The following ANTXR2 variants were observed in gnomAD, a reference collection of about 807,000 sequenced individuals.
ANTXR2 encodes the protein ANTXR cell adhesion molecule 2.
ANTXR2 carries 44 observed loss-of-function variants against 73.7 expected under a neutral mutation model. The ratio of observed to expected loss-of-function variants is 0.60; its 90% CI spans 0.47 to 0.77. The LOEUF is 0.77. Ranked by LOEUF, ANTXR2 falls within the 30% of genes least tolerant of loss-of-function variation. The pLI is 0.00. For missense variants in ANTXR2, 604 were observed against 592.5 expected (o/e 1.02, Z -0.20); for synonymous variants, 217 against 205.9 (o/e 1.05, Z -0.46).
At chr4:80,056,936 C>CA (rs990387254) in intron 3 of ANTXR2, among the ~76,000 whole-genome samples, 2 of 151,454 alleles carry the variant, frequency 1.3e-5, no homozygotes, top group Non-Finnish European at 3.0e-5. Context: ...AATAATGTGG[C>CA]AAAATTATCC....
chr4:80,037,455 T>C (rs1485326999), intron 7 of ANTXR2, among the ~76,000 whole-genome samples: 2 of 152,168 alleles, frequency 1.3e-5, no homozygotes, highest in African/African-American at 2.4e-5. Context: ...ACTTTTCACA[T>C]AGTGATTGAG....
chr4:79,921,452 A>G (rs1199294767), intron 16 of ANTXR2, among the ~76,000 whole-genome samples: 2 of 152,050 alleles, frequency 1.3e-5, no homozygotes, highest in African/African-American at 4.8e-5. Flanking sequence ...ATAGATTTTC[A>G]TTAGCTGTCT....
intron 7 of ANTXR2, among the ~76,000 whole-genome samples, chr4:80,049,919 T>A (rs1224865099): frequency 6.6e-6 from 1 of 151,440 alleles, no homozygotes; most frequent in African/African-American, 2.4e-5. Flanking sequence ...TCAACAAGAG[T>A]CAAAGATTTT....
chr4:79,956,394 C>T (rs1408875804), intron 16 of ANTXR2, among the ~76,000 whole-genome samples: 1 of 152,066 alleles, frequency 6.6e-6, no homozygotes, highest in Non-Finnish European at 1.5e-5. Flanking sequence ...GTAGAGGAAT[C>T]AAGAGCTGCA....
At chr4:79,909,193 C>A (rs1416069771) in intron 16 of ANTXR2, among the ~76,000 whole-genome samples, 1 of 152,084 alleles carries the variant, frequency 6.6e-6, no homozygotes, top group Non-Finnish European at 1.5e-5. Context: ...TTAATGACAT[C>A]TTTTTCTTGT....
chr4:80,049,058 GGGTTATTTAT>G (rs1733650952), intron 7 of ANTXR2, among the ~76,000 whole-genome samples: 2 of 151,524 alleles, frequency 1.3e-5, no homozygotes, highest in Non-Finnish European at 3.0e-5. Context: ...TTTTGGACAA[GGGTTATTTAT>G]AAAACATGCT....
At chr4:79,992,766 C>T (rs539940591) in intron 12 of ANTXR2, among the ~76,000 whole-genome samples, 1 of 152,104 alleles carries the variant, frequency 6.6e-6, no homozygotes, top group South Asian at 2.1e-4. Flanking sequence ...ATCAAAGCTA[C>T]CCTAACCATC....
Position 80,032,253 on chromosome 4 carries a change from A to C in ANTXR2, c.797-561T>G, listed in dbSNP as rs556180242. Reference sequence around the variant, plus strand: ...GATCATTCTAGAATCTAAAAGAGGAAAATACCAATTTCACTTATTTGAGGA... The same window carrying C: ...GATCATTCTAGAATCTAAAAGAGGACAATACCAATTTCACTTATTTGAGGA... On this transcript the variant is annotated intron_variant, in intron 9 of 16. Transcript: ENST00000403729. Among the ~76,000 whole-genome samples, 9 of 152,000 alleles carry C rather than the reference A, an allele frequency of 5.9e-5. No homozygotes were observed. In the South Asian group the frequency reaches 1.9e-3, roughly 32 times the overall value.
intron 14 of ANTXR2, among the ~76,000 whole-genome samples, chr4:79,982,361 A>C (rs1172686133): frequency 1.3e-5 from 2 of 152,170 alleles, no homozygotes; most frequent in African/African-American, 4.8e-5. Flanking sequence ...TATTCTATCA[A>C]GCCTTTTTTC....
intron 16 of ANTXR2, among the ~76,000 whole-genome samples, chr4:79,960,681 ATTATTT>A (rs1162570328): frequency 1.3e-5 from 2 of 151,990 alleles, no homozygotes; most frequent in African/African-American, 4.8e-5. Flanking sequence ...TGAAAAATAA[ATTATTT>A]TTATTTTATA....
chr4:79,952,170 T>C (rs1294737370), intron 16 of ANTXR2, among the ~76,000 whole-genome samples: 1 of 150,610 alleles, frequency 6.6e-6, no homozygotes, highest in Non-Finnish European at 1.5e-5. Context: ...TAGGTATATA[T>C]AAACTATTTG....
chr4:80,007,285 A>G (rs1393923481), intron 12 of ANTXR2, among the ~76,000 whole-genome samples: 1 of 152,156 alleles, frequency 6.6e-6, no homozygotes, highest in East Asian at 1.9e-4. Context: ...TATTATGTAA[A>G]ACATTACCAT....
intron 7 of ANTXR2, among the ~76,000 whole-genome samples, chr4:80,046,816 T>A (rs1328261144): frequency 6.6e-6 from 1 of 151,774 alleles, no homozygotes; most frequent in Admixed American, 6.6e-5. Context: ...CAAAGTGTCT[T>A]GAACACAGCC....
intron 11 of ANTXR2, 56 bp from the exon 12 acceptor site, chr4:80,008,672 C>A: frequency 9.1e-7 from 1 of 1,103,630 alleles, no homozygotes; most frequent in South Asian, 1.6e-5. Flanking sequence ...GGTCAAATTC[C>A]AAATGTATAT....
intron 16 of ANTXR2, among the ~76,000 whole-genome samples, chr4:79,920,356 C>T (rs1040040728): frequency 6.6e-6 from 1 of 152,048 alleles, no homozygotes; most frequent in African/African-American, 2.4e-5. Context: ...ATGGATCAGG[C>T]TTTTACTACC....
At chr4:80,031,386 T>C (rs1050872674) in intron 10 of ANTXR2, among the ~76,000 whole-genome samples, 3 of 152,052 alleles carry the variant, frequency 2.0e-5, no homozygotes, top group East Asian at 3.9e-4. Flanking sequence ...ATAGAGCCTT[T>C]TAATCAGTAT....
intron 16 of ANTXR2, among the ~76,000 whole-genome samples, chr4:79,937,892 G>A (rs938720619): frequency 1.4e-5 from 2 of 141,018 alleles, no homozygotes; most frequent in African/African-American, 5.3e-5. Flanking sequence ...GCCGAAGCAG[G>A]GCGAGGCATT....
At chr4:80,022,496 C>G (rs1732214144) in intron 10 of ANTXR2, among the ~76,000 whole-genome samples, 1 of 152,178 alleles carries the variant, frequency 6.6e-6, no homozygotes, top group Admixed American at 6.5e-5. Context: ...GTTGAGAAAA[C>G]CGCCCACTGT....
At position 79,906,590 on chromosome 4, in the gene ANTXR2, A is replaced by C. The variant is rs1035929868; in HGVS notation, c.*839T>G. On this transcript the variant is annotated 3_prime_UTR_variant, in exon 17 of 17. Transcript: ENST00000403729. ...ATATTAATGCTTTATGCACTACTAAATCCTAAACACAGGAAAAGGGGGAAT... is the reference window on the plus strand; with the variant it reads ...ATATTAATGCTTTATGCACTACTAACTCCTAAACACAGGAAAAGGGGGAAT... 2.0e-5 allele frequency: 3 copies of C among 152,554 alleles called. No homozygotes were observed. Among genetic ancestry groups the C allele is most frequent in the Admixed American group, 6.6e-5 (1 of 15,254 alleles). The allele number at this position is 152,554 out of a possible 1,614,324, so 9.5% of individuals were successfully genotyped here. A position where few individuals can be genotyped will look rare whatever the true frequency, so the allele number is the denominator to read the frequency against.
Sources: allele counts gnomAD v4.1 joint callset (sites outside exome capture counted in the v4.1 genomes callset), GRCh38; gene constraint gnomAD v4.1.1; transcripts MANE v1.5; gene names NCBI Gene and HGNC (gene_info 2026-07-23, HGNC 2026-07-21).